HECTD2: variants seen among roughly 807,000 people sequenced by gnomAD.
HECTD2 encodes probable E3 ubiquitin-protein ligase HECTD2.
In HECTD2, 35 loss-of-function variants were observed where a neutral mutation model predicts 103.2. That is an observed-to-expected ratio of 0.34 (90% CI 0.26 to 0.45). HECTD2 has a LOEUF of 0.45. HECTD2 is among the 20% of genes least tolerant of loss of function. The pLI is 1.00. For synonymous variants in HECTD2, 281 were observed against 329.9 expected, an observed-to-expected ratio of 0.85 and a Z score of 1.61; for missense variants, 596 against 937.4, an observed-to-expected ratio of 0.64 and a Z score of 4.76.
chr10:91,485,201 A>G lies in HECTD2; in HGVS notation c.992A>G (p.His331Arg). Residue 331 changes from histidine to arginine, a missense_variant, in exon 10 of 21, where the codon CAC (histidine) becomes CGC (arginine). Around this residue, in one of 4 missense-constraint regions of HECTD2, gnomAD observed 303 missense variants for 522.5 expected, o/e 0.58. Transcript: ENST00000298068. ...ALLNTANNLV[H>R]PPLIPYTDFY... ...ACAGATACTGCAAACAATTTAGTTCACCCTCCCCTTATTCCTTATACTGAT... is the reference window on the plus strand; with the variant it reads ...ACAGATACTGCAAACAATTTAGTTCGCCCTCCCCTTATTCCTTATACTGAT... 6.4e-7 allele frequency: 1 copy of G among 1,562,350 alleles called. No homozygotes were observed. The highest frequency in any genetic ancestry group is 8.7e-7 in the Non-Finnish European group (1 of 1,146,284).
intron 1 of HECTD2, among the ~76,000 whole-genome samples, chr10:91,422,547 G>A (rs1843399175): frequency 1.3e-5 from 2 of 152,076 alleles, no homozygotes; most frequent in Admixed American, 1.3e-4. Context: ...CTTAGCCCCA[G>A]TCATTAATAA....
chr10:91,491,359 GATT>G, intron 12 of HECTD2, 52 bp downstream of exon 12: 1 of 830,174 alleles, frequency 1.2e-6, no homozygotes, highest in Non-Finnish European at 1.9e-6. Flanking sequence ...TCTATAATAT[GATT>G]ATTATAAAAA....
chr10:91,462,196 G>A lies in HECTD2; in HGVS notation c.600+12G>A. On this transcript the variant is annotated intron_variant, in intron 5 of 20. Transcript: ENST00000298068. ...CCTTACTTAATACTGTAAGTATTAT[G>A]ACATGCAAGTAATATTATTCTGTGT... is the stretch of plus-strand genomic sequence containing the variant. 1 of 1,570,786 alleles carries A rather than the reference G, an allele frequency of 6.4e-7. No individual in the cohort carries two copies. Among genetic ancestry groups the A allele is most frequent in the Non-Finnish European group, 8.7e-7 (1 of 1,152,770 alleles).
At chr10:91,479,868 T>C (rs1264993359) in intron 6 of HECTD2, among the ~76,000 whole-genome samples, 1 of 152,200 alleles carries the variant, frequency 6.6e-6, no homozygotes, top group Non-Finnish European at 1.5e-5. Context: ...CTCATTTTTA[T>C]GTACTTTTCC....
intron 20 of HECTD2, among the ~76,000 whole-genome samples, chr10:91,508,956 G>A (rs888470095): frequency 9.5e-4 from 145 of 151,956 alleles, no homozygotes; most frequent in African/African-American, 3.3e-3. Context: ...AAAAAATGAT[G>A]AGTTCATGTC....
At chr10:91,444,074 T>C (rs1309046772) in intron 2 of HECTD2, among the ~76,000 whole-genome samples, 1 of 152,116 alleles carries the variant, frequency 6.6e-6, no homozygotes, top group Non-Finnish European at 1.5e-5. Context: ...ACCAGTCTTA[T>C]TACTATTATT....
chr10:91,484,744 T>C (rs1415168431), intron 9 of HECTD2, 89 bp downstream of exon 9: 3 of 955,034 alleles, frequency 3.1e-6, no homozygotes, highest in Non-Finnish European at 4.5e-6. Context: ...TATAGAGGCA[T>C]TCTTAAATTT....
chr10:91,499,714 A>C (rs115562626), intron 18 of HECTD2, among the ~76,000 whole-genome samples: 3,112 of 152,264 alleles, frequency 0.02, 104 homozygotes, highest in African/African-American at 0.071. Context: ...CAGTCACCCC[A>C]GCTACCCAGC....
chr10:91,420,246 A>G (rs1476762099), intron 1 of HECTD2, among the ~76,000 whole-genome samples: 1 of 150,162 alleles, frequency 6.7e-6, no homozygotes, highest in Non-Finnish European at 1.5e-5. Context: ...AGACCAAGGA[A>G]TTTTTTTCTA....
chr10:91,463,693 A>G (rs1475152401), intron 5 of HECTD2: 1 of 152,208 alleles, frequency 6.6e-6, no homozygotes, highest in Non-Finnish European at 1.5e-5. Context: ...CAATCTGAGT[A>G]CTTCACTATT....
At chr10:91,498,788 T>G in intron 16 of HECTD2, 84 bp from the exon 17 acceptor site, 1 of 774,238 alleles carries the variant, frequency 1.3e-6, no homozygotes, top group East Asian at 2.6e-5. Context: ...GGAAAAAAAC[T>G]GTTTTTTAAA....
At position 91,481,102 on chromosome 10, in the gene HECTD2, CA is replaced by C; in HGVS notation, c.678del (p.Asp227MetfsTer31). 1 of 1,510,920 alleles carries C rather than the reference CA, an allele frequency of 6.6e-7. No individual in the cohort carries two copies. 93.6% of individuals were successfully genotyped at this position (1,510,920 alleles called of 1,614,324 possible). A position where few individuals can be genotyped will look rare whatever the true frequency, so the allele number is the denominator to read the frequency against. ...SLLREWKGPR[T>X]KDDLRAYFIL... ...TCTTGTTTCTTTTTCAGTCCACGAA[CA>C]AAAGATGATCTTAGAGCATATTTTA... On this transcript the variant is annotated frameshift_variant, in exon 7 of 21. Coordinates refer to ENST00000298068, the MANE Select transcript of HECTD2 (RefSeq NM_182765.6). LOFTEE classifies it high-confidence loss of function.
rs1192912681 is a variant in HECTD2, at chr10:91,513,362, A to AGAT, written c.*979_*981dup. Reference sequence around the variant, plus strand: ...GTACCAAAACACTAATTTTTGAAAAAGATAGGTTAAAGTATTTGACAAAAG... The same window carrying AGAT: ...GTACCAAAACACTAATTTTTGAAAAAGATGATAGGTTAAAGTATTTGACAAAAG... On this transcript the variant is annotated 3_prime_UTR_variant, in exon 21 of 21. Transcript: ENST00000298068. The AGAT allele has an allele frequency of 2.4e-4, 36 of 152,714 alleles. No homozygotes were observed. Among genetic ancestry groups the AGAT allele is most frequent in the Middle Eastern group, 6.8e-3 (2 of 294 alleles). The allele number at this position is 152,714 out of a possible 1,614,324, so 9.5% of individuals were successfully genotyped here. A position where few individuals can be genotyped will look rare whatever the true frequency, so the allele number is the denominator to read the frequency against.
intron 1 of HECTD2, among the ~76,000 whole-genome samples, chr10:91,416,964 G>C (rs1376834683): frequency 1.3e-5 from 2 of 152,134 alleles, no homozygotes; most frequent in Non-Finnish European, 2.9e-5. Flanking sequence ...AAAAGAAAGA[G>C]CCTTCAAAAG....
At chr10:91,479,963 T>C (rs1266759294) in intron 6 of HECTD2, among the ~76,000 whole-genome samples, 1 of 152,162 alleles carries the variant, frequency 6.6e-6, no homozygotes, top group Non-Finnish European at 1.5e-5. Flanking sequence ...TTTGCCATTT[T>C]TTATTGCAGA....
chr10:91,469,068 AAAG>A (rs1203817569), intron 5 of HECTD2, among the ~76,000 whole-genome samples: 1 of 149,518 alleles, frequency 6.7e-6, no homozygotes, highest in Non-Finnish European at 1.5e-5. Context: ...AATAAAAAAT[AAAG>A]AAGAATGAAC....
At chr10:91,437,749 T>C (rs1350684607) in intron 2 of HECTD2, among the ~76,000 whole-genome samples, 1 of 151,726 alleles carries the variant, frequency 6.6e-6, no homozygotes, top group African/African-American at 2.4e-5. Flanking sequence ...ACATTGTAAG[T>C]TTCCATACTT....
At position 91,491,325 on chromosome 10, in the gene HECTD2, A is replaced by C; in HGVS notation, c.1299+18A>C. 1 of 1,136,504 alleles carries C rather than the reference A, an allele frequency of 8.8e-7. No individual in the cohort carries two copies. Among genetic ancestry groups the C allele is most frequent in the Non-Finnish European group, 1.3e-6 (1 of 783,136 alleles). 70.4% of individuals were successfully genotyped at this position (1,136,504 alleles called of 1,614,324 possible). ...TTGATGAGGTATAATTTATTCCAAA[A>C]TGATATTAATTAAAGCTTAAAATTC... On this transcript the variant is annotated intron_variant, in intron 12 of 20. Transcript: ENST00000298068.
intron 20 of HECTD2, among the ~76,000 whole-genome samples, chr10:91,507,930 A>G (rs1267932626): frequency 1.4e-5 from 2 of 138,588 alleles, no homozygotes; most frequent in Admixed American, 6.7e-5. Flanking sequence ...AGAGATATAG[A>G]TCAGTGGAAC....
Sources: gnomAD v4.1 joint callset for allele counts (sites outside exome capture counted in the v4.1 genomes callset) on GRCh38, gnomAD v4.1.1 for gene constraint, gnomAD v4.1.1 regional missense constraint, MANE v1.5 for transcripts, NCBI Gene and HGNC (gene_info 2026-07-23, HGNC 2026-07-21) for gene names.